POLR3B: variants seen among roughly 807,000 people sequenced by gnomAD.
The protein encoded by POLR3B is DNA-directed RNA polymerase III subunit RPC2.
Under a neutral mutation model 147.4 loss-of-function variants are expected in POLR3B, and 96 were observed. The ratio of observed to expected loss-of-function variants is 0.65; its 90% CI spans 0.55 to 0.77. The LOEUF (loss-of-function observed/expected upper bound fraction) is 0.77, where lower values mean the gene tolerates loss of function less well. POLR3B is among the 30% of genes least tolerant of loss of function. The probability of loss-of-function intolerance (pLI) is 0.00; values close to 1 mark genes in which losing one functional copy is unlikely to be tolerated. For missense variants in POLR3B, 1,036 were observed against 1,413.5 expected (o/e 0.73, Z 4.28); for synonymous variants, 461 against 485.9 (o/e 0.95, Z 0.67).
intron 4 of POLR3B, 67 bp downstream of exon 4, chr12:106,366,789 T>C (rs2036542148): frequency 8.1e-7 from 1 of 1,239,628 alleles, no homozygotes; most frequent in South Asian, 1.2e-5. Flanking sequence ...TGAGTGAAGT[T>C]GCTATCAAAA....
chr12:106,400,827 T>C (rs2037054094), intron 10 of POLR3B, among the ~76,000 whole-genome samples: 1 of 152,126 alleles, frequency 6.6e-6, no homozygotes, highest in African/African-American at 2.4e-5. Flanking sequence ...TTCAAAGCAG[T>C]GTGTAGAGGG....
intron 6 of POLR3B, among the ~76,000 whole-genome samples, chr12:106,371,653 A>G (rs7298708): frequency 0.049 from 5,484 of 113,004 alleles, 245 homozygotes; most frequent in East Asian, 0.24. Flanking sequence ...CATGGATGAA[A>G]ATGGAAATCA....
chr12:106,492,972 C>A (rs1161123647), intron 23 of POLR3B, among the ~76,000 whole-genome samples: 1 of 152,066 alleles, frequency 6.6e-6, no homozygotes, highest in East Asian at 1.9e-4. Flanking sequence ...TTAAATGTTC[C>A]TGAGCATGTT....
intron 6 of POLR3B, among the ~76,000 whole-genome samples, chr12:106,372,993 A>G (rs369832011): frequency 6.6e-6 from 1 of 152,142 alleles, no homozygotes; most frequent in Non-Finnish European, 1.5e-5. Context: ...CTTTATGTCA[A>G]TTTTTGGAAC....
At chr12:106,443,949 C>G (rs945139117) in intron 18 of POLR3B, among the ~76,000 whole-genome samples, 1 of 152,136 alleles carries the variant, frequency 6.6e-6, no homozygotes, top group African/African-American at 2.4e-5. Flanking sequence ...CTCAGCCTCC[C>G]AAGTAGCTGC....
At chr12:106,372,558 C>T (rs1370697104) in intron 6 of POLR3B, among the ~76,000 whole-genome samples, 1 of 151,972 alleles carries the variant, frequency 6.6e-6, no homozygotes, top group Non-Finnish European at 1.5e-5. Context: ...CCAGGCTGGT[C>T]ATGAACTCCT....
At chr12:106,365,807 C>T (rs941239762) in intron 2 of POLR3B, among the ~76,000 whole-genome samples, 2 of 151,354 alleles carry the variant, frequency 1.3e-5, no homozygotes, top group South Asian at 2.1e-4. Context: ...TGCAGTGAGC[C>T]GAGATCGCAC....
chr12:106,503,479 G>C (rs2038635054), intron 26 of POLR3B, among the ~76,000 whole-genome samples: 1 of 152,112 alleles, frequency 6.6e-6, no homozygotes, highest in African/African-American at 2.4e-5. Context: ...ATGCCTACAT[G>C]GGGTTGCCTA....
intron 20 of POLR3B, 143 bp from the exon 21 acceptor site, chr12:106,456,995 G>A (rs1285064501): frequency 4.1e-6 from 3 of 739,446 alleles, no homozygotes; most frequent in East Asian, 2.7e-5. Flanking sequence ...GTTTGTACTG[G>A]TCCCAGATTA....
chr12:106,359,462 G>C (rs1034666120), intron 1 of POLR3B, among the ~76,000 whole-genome samples: 9 of 151,262 alleles, frequency 5.9e-5, no homozygotes, highest in Non-Finnish European at 1.0e-4. Flanking sequence ...CTCCCAAGTA[G>C]CTGGGATTAC....
At chr12:106,365,658 C>T (rs1159224840) in intron 2 of POLR3B, among the ~76,000 whole-genome samples, 6 of 151,950 alleles carry the variant, frequency 3.9e-5, no homozygotes, top group African/African-American at 9.7e-5. Flanking sequence ...AGTTTGAGAC[C>T]GACTAGCCTG....
intron 12 of POLR3B, among the ~76,000 whole-genome samples, chr12:106,426,667 T>C (rs1274649697): frequency 1.3e-5 from 2 of 152,046 alleles, no homozygotes; most frequent in Non-Finnish European, 2.9e-5. Flanking sequence ...TGCTAAAGTT[T>C]GAGAAACACT....
chr12:106,406,025 T>G, intron 11 of POLR3B, 49 bp downstream of exon 11: 1 of 1,599,740 alleles, frequency 6.3e-7, no homozygotes, highest in South Asian at 1.1e-5. Context: ...GTCTGTGAAT[T>G]CCTGTTAGAG....
intron 21 of POLR3B, among the ~76,000 whole-genome samples, chr12:106,458,627 C>T (rs1375440522): frequency 6.6e-6 from 1 of 152,094 alleles, no homozygotes; most frequent in Non-Finnish European, 1.5e-5. Context: ...GCGGTGAATG[C>T]TTTATCAAGC....
intron 23 of POLR3B, among the ~76,000 whole-genome samples, chr12:106,481,494 G>C (rs898885386): frequency 6.6e-6 from 1 of 152,188 alleles, no homozygotes; most frequent in Admixed American, 6.5e-5. Context: ...GCCTTCCCAG[G>C]AATCGGGTGG....
At chr12:106,393,941 G>A (rs1236690758) in intron 10 of POLR3B, among the ~76,000 whole-genome samples, 1 of 152,088 alleles carries the variant, frequency 6.6e-6, no homozygotes, top group African/African-American at 2.4e-5. Flanking sequence ...GCCATCCTGG[G>A]AGGTGGGAAT....
rs11112969 is a variant in POLR3B at position 106,395,884 on chromosome 12, C to T, written c.846+2731C>T. Among the ~76,000 whole-genome samples, 833 of 152,156 alleles carry T rather than the reference C, an allele frequency of 5.5e-3. 8 individuals are homozygous for T. The highest frequency in any genetic ancestry group is 0.019 in the African/African-American group (797 of 41,492). ...ACTCGGGAGGCTGAATCAGGAGAAT[C>T]GCTTGAACCCAGGAGGCGGAGGTTG... On this transcript the variant is annotated intron_variant, in intron 10 of 27. Coordinates refer to ENST00000228347, the MANE Select transcript of POLR3B (RefSeq NM_018082.6).
intron 12 of POLR3B, among the ~76,000 whole-genome samples, chr12:106,419,199 G>A (rs935972071): frequency 2.0e-5 from 3 of 152,106 alleles, no homozygotes; most frequent in African/African-American, 4.8e-5. Flanking sequence ...CTTTCCAAGA[G>A]TGAAACTGCT....
chr12:106,377,920 G>T (rs1565877636), intron 7 of POLR3B, among the ~76,000 whole-genome samples: 3 of 152,022 alleles, frequency 2.0e-5, no homozygotes, highest in African/African-American at 4.8e-5. Flanking sequence ...AGACCCTGTT[G>T]TTACAAAAAA....
Sources: allele counts gnomAD v4.1 joint callset (sites outside exome capture counted in the v4.1 genomes callset), GRCh38; gene constraint gnomAD v4.1.1; transcripts MANE v1.5; gene names NCBI Gene and HGNC (gene_info 2026-07-23, HGNC 2026-07-21).